AHRR: variants seen among roughly 807,000 people sequenced by gnomAD.
AHRR encodes aryl hydrocarbon receptor repressor, also known as ahR repressor.
In AHRR, 28 loss-of-function variants were observed where a neutral mutation model predicts 44.0. The ratio of observed to expected loss-of-function variants is 0.64; its 90% CI spans 0.47 to 0.87. The LOEUF (loss-of-function observed/expected upper bound fraction) is 0.87, where lower values mean the gene tolerates loss of function less well. Ranked by LOEUF, AHRR falls within the 40% of genes least tolerant of loss-of-function variation. The pLI, the probability that AHRR is intolerant of heterozygous loss-of-function variation, is 0.00. For missense variants in AHRR, 990 were observed against 953.9 expected, an observed-to-expected ratio of 1.04 and a Z score of -0.50; for synonymous variants, 434 against 407.0, an observed-to-expected ratio of 1.07 and a Z score of -0.80.
Position 437,959 on chromosome 5 carries a change from C to T in AHRR, c.*3125C>T, listed in dbSNP as rs959583468. The stretch of plus-strand genomic sequence containing the variant: ...CTTCTCTCTAAAATGTCATTGTTAG[C>T]ACTAATTACAGGTTCATGTTTTTCT... On this transcript the variant is annotated 3_prime_UTR_variant, in exon 11 of 11. Coordinates refer to ENST00000684583, the MANE Select transcript of AHRR (RefSeq NM_001377236.1). 6.6e-6 allele frequency: 1 copy of T among 152,342 alleles called. No homozygotes were observed. The highest frequency in any genetic ancestry group is 1.5e-5 in the Non-Finnish European group (1 of 68,022). The allele number at this position is 152,342 out of a possible 1,614,324, so 9.4% of individuals were successfully genotyped here. A position where few individuals can be genotyped will look rare whatever the true frequency, so the allele number is the denominator to read the frequency against.
At chr5:433,311 C>T (rs1240338784) in intron 10 of AHRR, among the ~76,000 whole-genome samples, 1 of 152,144 alleles carries the variant, frequency 6.6e-6, no homozygotes, top group Non-Finnish European at 1.5e-5. Flanking sequence ...TCCCCAGGGC[C>T]TGCCTGCCAC....
chr5:424,776 C>G (rs1026332597), intron 7 of AHRR, among the ~76,000 whole-genome samples: 14 of 152,192 alleles, frequency 9.2e-5, no homozygotes, highest in Non-Finnish European at 1.2e-4. Flanking sequence ...TCTTCTCTTG[C>G]AAACAGATAC....
chr5:375,429 G>A (rs1486314158), intron 3 of AHRR, among the ~76,000 whole-genome samples: 3 of 152,196 alleles, frequency 2.0e-5, no homozygotes, highest in Non-Finnish European at 4.4e-5. Context: ...CTTTGGAAAG[G>A]GCTGTGTCTC....
Position 338,584 on chromosome 5 carries a change from G to A in AHRR, c.-10-5309G>A, listed in dbSNP as rs562414411. On this transcript the variant is annotated intron_variant, in intron 1 of 10. Coordinates refer to ENST00000684583, the MANE Select transcript of AHRR (RefSeq NM_001377236.1). The surrounding 1 kb of genome is among the most constrained non-coding windows in gnomAD (Gnocchi z 4.1). ...TAGGCCAGGTACGTGGCTCATACCTGTAATCCCAGCACTCTTGGAGGCCAA... is the reference window on the plus strand; with the variant it reads ...TAGGCCAGGTACGTGGCTCATACCTATAATCCCAGCACTCTTGGAGGCCAA... 1.1e-4 allele frequency among the ~76,000 whole-genome samples: 17 copies of A among 152,138 alleles called. No individual in the cohort carries two copies. The highest frequency in any genetic ancestry group is 2.2e-4 in the Non-Finnish European group (15 of 68,036).
chr5:415,611 G>GGGTGGGA (rs1735744240), intron 5 of AHRR, among the ~76,000 whole-genome samples: 1 of 87,262 alleles, frequency 1.1e-5, no homozygotes. Flanking sequence ...CTGCCTGGTG[G>GGGTGGGA]GGCGGGAGGC....
intron 5 of AHRR, among the ~76,000 whole-genome samples, chr5:422,174 C>T (rs1000438144): frequency 1.4e-4 from 21 of 152,312 alleles, no homozygotes; most frequent in African/African-American, 4.8e-4. Context: ...GTGTCAGCCT[C>T]TGTCGCCAGA....
At chr5:347,896 G>C (rs1742731609) in intron 2 of AHRR, among the ~76,000 whole-genome samples, 1 of 152,254 alleles carries the variant, frequency 6.6e-6, no homozygotes, top group African/African-American at 2.4e-5. Context: ...TGATGCACCT[G>C]AGGGCCGTGT....
chr5:364,640 G>A (rs1291457747), intron 3 of AHRR, among the ~76,000 whole-genome samples: 4 of 151,978 alleles, frequency 2.6e-5, no homozygotes, highest in African/African-American at 9.7e-5. Context: ...CACAAAAGAG[G>A]TGGAACAAAA....
chr5:325,066 G>A (rs972588359), intron 1 of AHRR, among the ~76,000 whole-genome samples: 2 of 152,232 alleles, frequency 1.3e-5, no homozygotes, highest in South Asian at 2.1e-4. Context: ...GGAGGGCAAC[G>A]AGGCTTCCGT....
chr5:376,743 C>T, intron 4 of AHRR, 27 bp downstream of exon 4: 1 of 1,560,702 alleles, frequency 6.4e-7, no homozygotes, highest in Non-Finnish European at 8.7e-7. Flanking sequence ...GTACCTCGAA[C>T]ACTTGACACT....
At chr5:363,588 C>G (rs1439008735) in intron 3 of AHRR, among the ~76,000 whole-genome samples, 1 of 152,202 alleles carries the variant, frequency 6.6e-6, no homozygotes, top group Non-Finnish European at 1.5e-5. Context: ...GTTATTTCCA[C>G]ATGCAGCCTA....
chr5:434,760 C>A lies in AHRR; in HGVS notation c.2020C>A (p.Pro674Thr). ...QWATHSQGMVPGMLPKSALAT... is the reference protein window; with the variant it reads ...QWATHSQGMVTGMLPKSALAT... ...GGCTACTCACAGCCAGGGAATGGTG[C>A]CCGGGATGTTGCCCAAAAGTGCCTT... Residue 674 changes from proline (P) to threonine (T), a missense_variant, in exon 11 of 11, where the codon CCC becomes ACC. By Grantham distance (38) the Pro-to-Thr change is conservative. Transcript: ENST00000684583. 1 of 1,563,740 alleles carries A rather than the reference C, an allele frequency of 6.4e-7. No homozygotes were observed. The highest frequency in any genetic ancestry group is 2.4e-5 in the East Asian group (1 of 42,032).
At chr5:325,843 C>T (rs570800535) in intron 1 of AHRR, among the ~76,000 whole-genome samples, 1 of 152,088 alleles carries the variant, frequency 6.6e-6, no homozygotes, top group Non-Finnish European at 1.5e-5. Context: ...AGTGCAGTGG[C>T]GTGATCTTGG....
intron 5 of AHRR, among the ~76,000 whole-genome samples, chr5:415,124 G>A (rs79205980): frequency 0.021 from 3,223 of 152,360 alleles, 69 homozygotes; most frequent in Admixed American, 0.051. Flanking sequence ...GGTGAGATGC[G>A]CACCTGGAGG....
intron 1 of AHRR, among the ~76,000 whole-genome samples, chr5:343,177 G>A (rs536680624): frequency 6.6e-5 from 10 of 152,184 alleles, no homozygotes; most frequent in East Asian, 3.9e-4. Flanking sequence ...GTGTCCTCTC[G>A]GAGTGACAGG....
chr5:348,453 GC>G (rs1742752737), intron 2 of AHRR, among the ~76,000 whole-genome samples: 1 of 151,996 alleles, frequency 6.6e-6, no homozygotes, highest in Non-Finnish European at 1.5e-5. Context: ...CATCCGTGAA[GC>G]TATCACCAAA....
At chr5:397,105 GTAGCCCCTGACCATCCATGT>G (rs1560906863) in intron 4 of AHRR, among the ~76,000 whole-genome samples, 6 of 81,296 alleles carry the variant, frequency 7.4e-5, no homozygotes, top group South Asian at 3.3e-4. Flanking sequence ...GACCATCCAC[GTAGCCCCTGACCATCCATGT>G]TAGCCCCTGA....
chr5:343,495 TG>T (rs1742437207), intron 1 of AHRR: 4 of 239,014 alleles, frequency 1.7e-5, no homozygotes, highest in African/African-American at 4.7e-5. Context: ...GGATCCCGCG[TG>T]ACGAGTGTTT....
At position 350,198 on chromosome 5, in the gene AHRR, T is replaced by C. The variant is rs570714327; in HGVS notation, c.63-3532T>C. On this transcript the variant is annotated intron_variant, in intron 2 of 10. Transcript: ENST00000684583. Reference sequence around the variant, plus strand: ...GATTACATTGAATCTATAGATCAGTTTTGGGGAGAATTGCCATCAACAATA... The same window carrying C: ...GATTACATTGAATCTATAGATCAGTCTTGGGGAGAATTGCCATCAACAATA... Among the ~76,000 whole-genome samples the C allele has an allele frequency of 3.9e-4, 59 of 152,334 alleles. 1 individual carries two copies. The highest frequency in any genetic ancestry group is 1.3e-3 in the African/African-American group (53 of 41,574).
Sources: gnomAD v4.1 joint callset for allele counts (sites outside exome capture counted in the v4.1 genomes callset) on GRCh38, gnomAD v4.1.1 for gene constraint, Gnocchi (gnomAD v3.1) non-coding constraint, MANE v1.5 for transcripts, NCBI Gene and HGNC (gene_info 2026-07-23, HGNC 2026-07-21) for gene names.